Variants in ST6GALNAC5 observed in about 807,000 individuals in gnomAD.
The protein encoded by ST6GALNAC5 is ST6 N-acetylgalactosaminide alpha-2,6-sialyltransferase 5.
In ST6GALNAC5, 27 loss-of-function variants were observed where a neutral mutation model predicts 33.6. The ratio of observed to expected loss-of-function variants is 0.80; its 90% CI spans 0.59 to 1.11. The LOEUF (loss-of-function observed/expected upper bound fraction) is 1.11, where lower values mean the gene tolerates loss of function less well. ST6GALNAC5 is among the 50% of genes least tolerant of loss of function. The pLI, the probability that ST6GALNAC5 is intolerant of heterozygous loss-of-function variation, is 0.00. For missense variants in ST6GALNAC5, 428 were observed against 454.0 expected (o/e 0.94, Z 0.52); for synonymous variants, 194 against 171.2 (o/e 1.13, Z -1.04).
In ST6GALNAC5 at chr1:77,066,784, A is replaced by G. The variant is rs1652792484; in HGVS notation, c.*3578A>G. Among the ~76,000 whole-genome samples, 1 of 152,194 alleles carries G rather than the reference A, an allele frequency of 6.6e-6. No homozygotes were observed. Among genetic ancestry groups the G allele is most frequent in the South Asian group, 2.1e-4 (1 of 4,830 alleles). On this transcript the variant is annotated 3_prime_UTR_variant, in exon 5 of 5. Transcript: ENST00000477717. ...CTTCCATTCTCATTGCTTCTCTCTT[A>G]AACCTCATTGTATCTCTTTACTGTC...
chr1:76,986,778 A>T (rs747075510), intron 2 of ST6GALNAC5, among the ~76,000 whole-genome samples: 4 of 152,198 alleles, frequency 2.6e-5, no homozygotes. Flanking sequence ...TCCATCAGTG[A>T]TAGACTAGAT....
chr1:77,019,896 A>G (rs1440110437), intron 2 of ST6GALNAC5, among the ~76,000 whole-genome samples: 9 of 152,188 alleles, frequency 5.9e-5, no homozygotes, highest in Admixed American at 3.9e-4. Flanking sequence ...TTCCTATCTT[A>G]TACTTTAAAC....
intron 3 of ST6GALNAC5, among the ~76,000 whole-genome samples, chr1:77,047,526 C>A (rs1015673804): frequency 8.5e-5 from 13 of 152,292 alleles, no homozygotes; most frequent in African/African-American, 3.1e-4. Context: ...ATAGAAGTTT[C>A]ACCCTCCTTA....
Position 77,063,529 on chromosome 1 carries a change from C to A in ST6GALNAC5, c.*323C>A. ...CTTTGAAACTGCAACATAAGCAACT[C>A]AACAATATTAGTTGCATTCCTTTAT... On this transcript the variant is annotated 3_prime_UTR_variant, in exon 5 of 5. Coordinates refer to ENST00000477717, the MANE Select transcript of ST6GALNAC5 (RefSeq NM_030965.3). 1 of 326,704 alleles carries A rather than the reference C, an allele frequency of 3.1e-6. No individual in the cohort carries two copies. The highest frequency in any genetic ancestry group is 5.8e-6 in the Non-Finnish European group (1 of 172,918). The allele number at this position is 326,704 out of a possible 1,614,324, so 20.2% of individuals were successfully genotyped here. A position where few individuals can be genotyped will look rare whatever the true frequency, so the allele number is the denominator to read the frequency against.
At chr1:76,880,450 G>C (rs1001859012) in intron 2 of ST6GALNAC5, among the ~76,000 whole-genome samples, 9 of 152,092 alleles carry the variant, frequency 5.9e-5, no homozygotes, top group Non-Finnish European at 1.3e-4. Flanking sequence ...AGAACTAATA[G>C]GACATATACA....
chr1:76,867,841 C>T, intron 1 of ST6GALNAC5, 151 bp downstream of exon 1: 5 of 1,132,864 alleles, frequency 4.4e-6, no homozygotes, highest in Non-Finnish European at 6.4e-6. Flanking sequence ...TCCGCGTTCC[C>T]TCCCGATTCT....
At chr1:76,964,271 T>G (rs1557739023) in intron 2 of ST6GALNAC5, among the ~76,000 whole-genome samples, 1 of 152,192 alleles carries the variant, frequency 6.6e-6, no homozygotes, top group Non-Finnish European at 1.5e-5. Flanking sequence ...CTTACTGCAG[T>G]AATCTTACGG....
chr1:76,868,510 C>T lies in ST6GALNAC5; in HGVS notation c.29C>T (p.Ala10Val). Residue 10 changes from alanine to valine, a missense_variant, in exon 2 of 5, where the codon GCA becomes GTA. Physicochemically the swap from Ala to Val is moderately conservative, Grantham distance 64 (BLOSUM62 0). Transcript: ENST00000477717. This position sits in a 1 kb window ranked among gnomAD's most constrained non-coding sequence, Gnocchi z 4.3. Reference protein sequence around the residue: MKTLMRHGLAVCLALTTMCT... With the variant: MKTLMRHGLVVCLALTTMCT... ...GCCCGCCCGCAGCGCCATGGTCTGG[C>T]AGTGTGTTTAGCGCTCACCACCATG... 2 of 1,608,736 alleles carry T rather than the reference C, an allele frequency of 1.2e-6. No homozygotes were observed. The highest frequency in any genetic ancestry group is 1.1e-5 in the South Asian group (1 of 90,766).
chr1:77,043,905 G>A (rs1162346705), intron 2 of ST6GALNAC5, among the ~76,000 whole-genome samples: 4 of 152,158 alleles, frequency 2.6e-5, no homozygotes, highest in Admixed American at 6.5e-5. Context: ...AAATGACCAC[G>A]AGAGAAACCT....
At chr1:76,886,120 T>G (rs1396854599) in intron 2 of ST6GALNAC5, among the ~76,000 whole-genome samples, 1 of 152,190 alleles carries the variant, frequency 6.6e-6, no homozygotes, top group African/African-American at 2.4e-5. Context: ...GACCACCATA[T>G]AGTAAAGGTT....
intron 2 of ST6GALNAC5, among the ~76,000 whole-genome samples, chr1:76,966,222 T>G (rs552494910): frequency 5.9e-5 from 9 of 152,220 alleles, no homozygotes; most frequent in Admixed American, 1.3e-4. Flanking sequence ...TATTGATTCT[T>G]CCTATTCATG....
chr1:77,055,800 C>T (rs1463702015), intron 4 of ST6GALNAC5, among the ~76,000 whole-genome samples: 1 of 152,192 alleles, frequency 6.6e-6, no homozygotes, highest in East Asian at 1.9e-4. Flanking sequence ...AAGAGGAGGG[C>T]CCTGTCTCAA....
At chr1:76,867,752 G>C (rs543948201) in intron 1 of ST6GALNAC5, 62 bp downstream of exon 1, 2 of 1,613,556 alleles carry the variant, frequency 1.2e-6, no homozygotes, top group East Asian at 2.2e-5. Context: ...AGGGTCCACG[G>C]GACGCACCGT....
intron 2 of ST6GALNAC5, among the ~76,000 whole-genome samples, chr1:76,933,009 C>T (rs1450267351): frequency 6.6e-6 from 1 of 152,080 alleles, no homozygotes; most frequent in Non-Finnish European, 1.5e-5. Context: ...CAGGCAAGAG[C>T]CATCCCTCAT....
At chr1:76,943,209 T>G (rs1391708045) in intron 2 of ST6GALNAC5, among the ~76,000 whole-genome samples, 1 of 152,156 alleles carries the variant, frequency 6.6e-6, no homozygotes, top group Admixed American at 6.5e-5. Flanking sequence ...ATTCCCATTT[T>G]ACAAGTGAAG....
chr1:77,006,501 T>G, intron 2 of ST6GALNAC5, among the ~76,000 whole-genome samples: 1 of 151,840 alleles, frequency 6.6e-6, no homozygotes. Context: ...TTTTTATTTT[T>G]TAGTAGAGAC....
chr1:77,026,837 GAAA>G (rs1553174261), intron 2 of ST6GALNAC5, among the ~76,000 whole-genome samples: 1 of 148,982 alleles, frequency 6.7e-6, no homozygotes, highest in African/African-American at 2.5e-5. Flanking sequence ...ATGAATGAAT[GAAA>G]ATGTGTTAGG....
intron 2 of ST6GALNAC5, among the ~76,000 whole-genome samples, chr1:76,871,023 A>G (rs987416657): frequency 6.6e-6 from 1 of 152,258 alleles, no homozygotes; most frequent in Admixed American, 6.5e-5. Flanking sequence ...GTTCCCTTAC[A>G]GATGGTCATA....
At chr1:77,024,565 C>T (rs187852866) in intron 2 of ST6GALNAC5, among the ~76,000 whole-genome samples, 40 of 152,302 alleles carry the variant, frequency 2.6e-4, no homozygotes, top group African/African-American at 6.5e-4. Context: ...TGCCTCCAGG[C>T]GGGCTGGGGA....
Sources: gnomAD v4.1 joint callset for allele counts (sites outside exome capture counted in the v4.1 genomes callset) on GRCh38, gnomAD v4.1.1 for gene constraint, Gnocchi (gnomAD v3.1) non-coding constraint, MANE v1.5 for transcripts, NCBI Gene and HGNC (gene_info 2026-07-23, HGNC 2026-07-21) for gene names.